The following MTRFR variants were observed in gnomAD, a reference collection of about 807,000 sequenced individuals.
MTRFR encodes the protein probable peptide chain release factor C12orf65, mitochondrial.
Under a neutral mutation model 11.9 loss-of-function variants are expected in MTRFR, and 10 were observed. The ratio of observed to expected loss-of-function variants is 0.84; its 90% CI spans 0.52 to 1.42. MTRFR has a LOEUF of 1.42. Among genes scored for constraint, MTRFR ranks in the 40% most tolerant of loss-of-function variants. The pLI, the probability that MTRFR is intolerant of heterozygous loss-of-function variation, is 0.00. For missense variants in MTRFR, 196 were observed against 197.9 expected, an observed-to-expected ratio of 0.99 and a Z score of 0.06; for synonymous variants, 77 against 79.1, an observed-to-expected ratio of 0.97 and a Z score of 0.14.
At chr12:123,253,107 T>TTTTTTTTG (rs766114484) in intron 1 of MTRFR, among the ~76,000 whole-genome samples, 1,488 of 63,340 alleles carry the variant, frequency 0.023, 557 homozygotes, top group Non-Finnish European at 0.04. Flanking sequence ...TTTTTTTTTT[T>TTTTTTTTG]GAGACACTGT....
chr12:123,255,953 TG>T (rs1244804450), intron 2 of MTRFR, among the ~76,000 whole-genome samples: 3 of 152,030 alleles, frequency 2.0e-5, no homozygotes, highest in Non-Finnish European at 2.9e-5. Context: ...TTGGTACAGA[TG>T]GGGGGTCTTG....
At chr12:123,245,278 C>T (rs1363976733) in intron 1 of MTRFR, among the ~76,000 whole-genome samples, 3 of 152,150 alleles carry the variant, frequency 2.0e-5, no homozygotes, top group Non-Finnish European at 4.4e-5. Flanking sequence ...GTTTTGGTGA[C>T]TATGGCCTTA....
intron 2 of MTRFR, chr12:123,254,918 G>C (rs958348064): frequency 6.7e-6 from 1 of 150,322 alleles, no homozygotes; most frequent in Non-Finnish European, 1.5e-5. Context: ...CTGGGCAACA[G>C]ACAAGATTCC....
At chr12:123,238,643 G>A (rs558466962) in intron 1 of MTRFR, among the ~76,000 whole-genome samples, 1 of 152,128 alleles carries the variant, frequency 6.6e-6, no homozygotes, top group African/African-American at 2.4e-5. Flanking sequence ...TTTTAAAAGT[G>A]TCTGTCCTAG....
intron 1 of MTRFR, among the ~76,000 whole-genome samples, chr12:123,239,400 T>C (rs1396635706): frequency 7.5e-5 from 6 of 80,052 alleles, no homozygotes; most frequent in Admixed American, 5.8e-4. Flanking sequence ...AGCATTAGTT[T>C]TGTTTTTTTG....
At position 123,253,749 on chromosome 12, in the gene MTRFR, T is replaced by C. The variant is rs747491017; in HGVS notation, c.75T>C (p.Leu25=). The C allele has an allele frequency of 1.2e-6, 2 of 1,614,154 alleles. No homozygotes were observed. The highest frequency in any genetic ancestry group is 4.5e-5 in the East Asian group (2 of 44,878). ...RICPAPWGLR[L]WEKLTLLSPG... ...GCCCGGCGCCATGGGGACTCCGGCTTTGGGAGAAGCTGACGTTGTTATCCC... is the reference window on the plus strand; with the variant it reads ...GCCCGGCGCCATGGGGACTCCGGCTCTGGGAGAAGCTGACGTTGTTATCCC... The change falls in exon 2 of 3, where the codon CTT becomes CTC. Residue 25 remains leucine (L), a synonymous_variant. Transcript: ENST00000253233.
In MTRFR at chr12:123,246,874, G is replaced by A. The variant is rs1481806223; in HGVS notation, c.-28-6773G>A. 2.6e-5 allele frequency among the ~76,000 whole-genome samples: 4 copies of A among 151,726 alleles called. 1 individual carries two copies. Among genetic ancestry groups the A allele is most frequent in the Admixed American group, 2.6e-4 (4 of 15,242 alleles). ...GCCTCCCCAGGAGCTGGGACTACAG[G>A]CACACACCACCACGCCCGGCTAATT... On this transcript the variant is annotated intron_variant, in intron 1 of 2. Transcript: ENST00000253233.
Position 123,257,158 on chromosome 12 carries a change from A to G in MTRFR, c.*127A>G. 1.2e-6 allele frequency: 1 copy of G among 803,554 alleles called. No individual in the cohort carries two copies. The highest frequency in any genetic ancestry group is 2.1e-6 in the Non-Finnish European group (1 of 474,930). The allele number at this position is 803,554 out of a possible 1,614,324, so 49.8% of individuals were successfully genotyped here. On this transcript the variant is annotated 3_prime_UTR_variant, in exon 3 of 3. Transcript: ENST00000253233. ...ATATTTTTGATGAACTTAAAAGACAACAAATTTATTTAAATGGTGCACTAA... is the reference window on the plus strand; with the variant it reads ...ATATTTTTGATGAACTTAAAAGACAGCAAATTTATTTAAATGGTGCACTAA...
chr12:123,255,633 G>A (rs148162093), intron 2 of MTRFR, among the ~76,000 whole-genome samples: 9 of 151,290 alleles, frequency 5.9e-5, no homozygotes, highest in East Asian at 1.9e-4. Flanking sequence ...TTTTTGTTTC[G>A]TTTTGTTTTT....
At chr12:123,253,069 A>ATTTTTTTT (rs1565997436) in intron 1 of MTRFR, among the ~76,000 whole-genome samples, 5 of 42,818 alleles carry the variant, frequency 1.2e-4, no homozygotes, top group South Asian at 1.6e-3. Flanking sequence ...CGTTCCTTTG[A>ATTTTTTTT]ATTTTTTTTT....
chr12:123,257,103 C>A lies in MTRFR; in HGVS notation c.*72C>A. ...AGGGAATAATGGTGGCGAGTTCCAT[C>A]ACCAGCATTATTATAGTGCTTCAAA... On this transcript the variant is annotated 3_prime_UTR_variant, in exon 3 of 3. Transcript: ENST00000253233. The A allele has an allele frequency of 1.7e-6, 2 of 1,161,904 alleles. No homozygotes were observed. Among genetic ancestry groups the A allele is most frequent in the Non-Finnish European group, 1.3e-6 (1 of 783,604 alleles). The allele number at this position is 1,161,904 out of a possible 1,614,324, so 72.0% of individuals were successfully genotyped here.
chr12:123,233,356 A>C (rs903772741), upstream of MTRFR: 14 of 152,332 alleles, frequency 9.2e-5, no homozygotes, highest in African/African-American at 3.4e-4. Flanking sequence ...CCACGAGGGA[A>C]AGAAGCTTCA....
Position 123,251,829 on chromosome 12 carries a change from A to T in MTRFR, c.-28-1818A>T, listed in dbSNP as rs201227091. 3.3e-5 allele frequency among the ~76,000 whole-genome samples: 5 copies of T among 152,322 alleles called. No homozygotes were observed. In the East Asian group the frequency reaches 9.6e-4, roughly 29 times the overall value. ...TGCATGCTGCTCTGTCTGAAGCTACAATCTAGTCCTGCCTCCTGTCTGCTA... is the reference window on the plus strand; with the variant it reads ...TGCATGCTGCTCTGTCTGAAGCTACTATCTAGTCCTGCCTCCTGTCTGCTA... On this transcript the variant is annotated intron_variant, in intron 1 of 2. Transcript: ENST00000253233.
At chr12:123,240,968 C>T (rs1404510904) in intron 1 of MTRFR, among the ~76,000 whole-genome samples, 1 of 151,984 alleles carries the variant, frequency 6.6e-6, no homozygotes, top group Non-Finnish European at 1.5e-5. Context: ...CCCACCTTAG[C>T]CTCCCAAAGT....
chr12:123,238,658 C>T (rs1331101863), intron 1 of MTRFR, among the ~76,000 whole-genome samples: 1 of 152,252 alleles, frequency 6.6e-6, no homozygotes, highest in African/African-American at 2.4e-5. Flanking sequence ...TCCTAGCAAT[C>T]AGAAGAACTT....
At chr12:123,249,019 G>A (rs2048080444) in intron 1 of MTRFR, 1 of 152,082 alleles carries the variant, frequency 6.6e-6, no homozygotes, top group South Asian at 2.1e-4. Context: ...ACAGAGTGCT[G>A]ATTGGTGCAT....
intron 1 of MTRFR, among the ~76,000 whole-genome samples, chr12:123,244,168 C>T (rs2047996766): frequency 6.6e-6 from 1 of 152,184 alleles, no homozygotes; most frequent in African/African-American, 2.4e-5. Context: ...CGGTGTGGCT[C>T]ACTCCTGTGA....
intron 1 of MTRFR, chr12:123,243,891 C>T (rs1174782997): frequency 6.6e-6 from 1 of 152,206 alleles, no homozygotes; most frequent in African/African-American, 2.4e-5. Flanking sequence ...CATCCTGCTT[C>T]CTCCTCAGTG....
chr12:123,232,956 G>C (rs2047733587), upstream of MTRFR: 1 of 152,480 alleles, frequency 6.6e-6, no homozygotes, highest in Non-Finnish European at 1.5e-5. Context: ...CCAATCGGCA[G>C]CCGTCACCCC....
Sources: gnomAD v4.1 joint callset for allele counts (sites outside exome capture counted in the v4.1 genomes callset) on GRCh38, gnomAD v4.1.1 for gene constraint, MANE v1.5 for transcripts, NCBI Gene and HGNC (gene_info 2026-07-23, HGNC 2026-07-21) for gene names.